TUSC3: variants seen among roughly 807,000 people sequenced by gnomAD.
TUSC3 encodes tumor suppressor candidate 3, also known as dolichyl-diphosphooligosaccharide--protein glycosyltransferase subunit TUSC3.
Under a neutral mutation model 44.8 loss-of-function variants are expected in TUSC3, and 45 were observed. The ratio of observed to expected loss-of-function variants is 1.00; its 90% CI spans 0.79 to 1.29. The LOEUF (loss-of-function observed/expected upper bound fraction) is 1.29, where lower values mean the gene tolerates loss of function less well. TUSC3 is among the 50% of genes most tolerant of loss of function. The pLI is 0.00. For missense variants in TUSC3, 519 were observed against 437.9 expected, an observed-to-expected ratio of 1.19 and a Z score of -1.65; for synonymous variants, 212 against 152.9, an observed-to-expected ratio of 1.39 and a Z score of -2.85.
the TUSC3 span, among the ~76,000 whole-genome samples, chr8:15,814,798 A>G: frequency 6.6e-6 from 1 of 152,186 alleles, no homozygotes; most frequent in East Asian, 1.9e-4. Context: ...CCTACTGCAC[A>G]AAAATATTCA....
At chr8:15,780,422 T>A in the TUSC3 span, among the ~76,000 whole-genome samples, 4 of 152,236 alleles carry the variant, frequency 2.6e-5, no homozygotes, top group South Asian at 8.3e-4. Flanking sequence ...CAAAGGGGAC[T>A]AGGCATACAC....
At chr8:15,506,708 A>C (rs2129127733) in intron 2 of TUSC3, among the ~76,000 whole-genome samples, 2 of 152,240 alleles carry the variant, frequency 1.3e-5, no homozygotes, top group East Asian at 3.9e-4. Context: ...CAGCGCAGGA[A>C]AAACCCGTCC....
chr8:15,562,959 A>C lies in TUSC3; in HGVS notation c.138+22391A>C, dbSNP rs187235736. On this transcript the variant is annotated intron_variant, in intron 1 of 10. Transcript: ENST00000503731. ...CCATATAAGGTAACATAATTGTGGGAGCGCTGTTCTGCTATATCACAGGTC... is the reference window on the plus strand; with the variant it reads ...CCATATAAGGTAACATAATTGTGGGCGCGCTGTTCTGCTATATCACAGGTC... 4.6e-5 allele frequency among the ~76,000 whole-genome samples: 7 copies of C among 152,084 alleles called. No individual in the cohort carries two copies. The East Asian group carries it at 1.4e-3, about 30-fold the overall frequency.
At chr8:15,645,169 A>G (rs1483645662) in intron 2 of TUSC3, among the ~76,000 whole-genome samples, 2 of 152,132 alleles carry the variant, frequency 1.3e-5, no homozygotes, top group African/African-American at 2.4e-5. Context: ...AGCATTCTCA[A>G]ATAGTATTTT....
At chr8:15,579,240 A>G (rs1431139129) in intron 1 of TUSC3, among the ~76,000 whole-genome samples, 6 of 139,710 alleles carry the variant, frequency 4.3e-5, no homozygotes, top group African/African-American at 1.3e-4. Context: ...GTGGTCTATC[A>G]ATTTTGTTGA....
the TUSC3 span, among the ~76,000 whole-genome samples, chr8:15,790,544 G>A: frequency 6.6e-6 from 1 of 152,048 alleles, no homozygotes; most frequent in East Asian, 1.9e-4. Flanking sequence ...AATGGGCATT[G>A]AGGGTAACTA....
At position 15,617,136 on chromosome 8, in the gene TUSC3, A is replaced by T. The variant is rs78999285; in HGVS notation, c.139-5944A>T. Among the ~76,000 whole-genome samples the T allele has an allele frequency of 7.7e-3, 63 of 8,204 alleles. 1 individual carries two copies. The highest frequency in any genetic ancestry group is 0.018 in the South Asian group (6 of 338). 5.4% of individuals were successfully genotyped at this position (8,204 alleles called of 152,430 possible). ...ATCTGTAAAATGTGTGTGTGTGTATATATTTTTTTTTTTTTTTTTTTGAGA... is the reference window on the plus strand; with the variant it reads ...ATCTGTAAAATGTGTGTGTGTGTATTTATTTTTTTTTTTTTTTTTTTGAGA... On this transcript the variant is annotated intron_variant, in intron 1 of 10. Transcript: ENST00000503731.
chr8:15,763,278 G>T (rs1585315883), intron 10 of TUSC3, among the ~76,000 whole-genome samples: 1 of 151,756 alleles, frequency 6.6e-6, no homozygotes, highest in Non-Finnish European at 1.5e-5. Context: ...TCACTAATGA[G>T]GAAACCGAGG....
At chr8:15,472,901 A>G (rs1016205604) in intron 1 of TUSC3, among the ~76,000 whole-genome samples, 2 of 152,194 alleles carry the variant, frequency 1.3e-5, no homozygotes, top group African/African-American at 4.8e-5. Context: ...AGCTCCACAT[A>G]CAGAAGTTGA....
intron 6 of TUSC3, among the ~76,000 whole-genome samples, chr8:15,706,639 A>G (rs919377475): frequency 2.0e-5 from 3 of 152,038 alleles, no homozygotes; most frequent in Non-Finnish European, 4.4e-5. Context: ...TCATACTGAA[A>G]TGTGGATTTT....
chr8:15,741,955 T>G lies in TUSC3; in HGVS notation c.863-1583T>G, dbSNP rs140993030. 2.2e-4 allele frequency among the ~76,000 whole-genome samples: 33 copies of G among 152,234 alleles called. No individual in the cohort carries two copies. The East Asian group carries it at 6.2e-3, about 29-fold the overall frequency. ...AGTTTTAGTGAAACAAGTTTTTAAT[T>G]TTTATCATGTTGTTATTAACAATGT... On this transcript the variant is annotated intron_variant, in intron 7 of 10. Coordinates refer to ENST00000503731, the MANE Select transcript of TUSC3 (RefSeq NM_006765.4).
chr8:15,558,791 C>A (rs561097492), intron 1 of TUSC3, among the ~76,000 whole-genome samples: 1 of 136,874 alleles, frequency 7.3e-6, no homozygotes, highest in Non-Finnish European at 1.6e-5. Flanking sequence ...AGTTTATTTG[C>A]ATAGAGGTGT....
intron 3 of TUSC3, among the ~76,000 whole-genome samples, chr8:15,653,605 G>C (rs1202820605): frequency 6.6e-6 from 1 of 152,138 alleles, no homozygotes; most frequent in Non-Finnish European, 1.5e-5. Context: ...GAACTGCCTT[G>C]TCTTTCCCAA....
chr8:15,719,512 CACACCACA>C (rs1278049505), intron 6 of TUSC3, among the ~76,000 whole-genome samples: 3 of 38,994 alleles, frequency 7.7e-5, no homozygotes, highest in African/African-American at 3.5e-4. Context: ...CACACACACA[CACACCACA>C]CACACACACA....
chr8:15,539,570 T>G (rs1285439071), upstream of TUSC3, among the ~76,000 whole-genome samples: 1 of 152,042 alleles, frequency 6.6e-6, no homozygotes, highest in Non-Finnish European at 1.5e-5. Context: ...CAGGCTGGTC[T>G]TGAACTCCTG....
At chr8:15,706,221 T>C (rs1809610854) in intron 6 of TUSC3, among the ~76,000 whole-genome samples, 3 of 152,010 alleles carry the variant, frequency 2.0e-5, no homozygotes, top group Admixed American at 2.0e-4. Context: ...TATATTTTGG[T>C]ATATATTTAT....
chr8:15,713,230 TAC>T (rs1809927876), intron 6 of TUSC3, among the ~76,000 whole-genome samples: 1 of 152,210 alleles, frequency 6.6e-6, no homozygotes, highest in African/African-American at 2.4e-5. Flanking sequence ...AACAGTGGTT[TAC>T]AGTTTTATGT....
chr8:15,846,787 G>A, the TUSC3 span, among the ~76,000 whole-genome samples: 2 of 151,436 alleles, frequency 1.3e-5, no homozygotes, highest in Non-Finnish European at 2.9e-5. Context: ...GTTGATGGGT[G>A]CAGCAAACCA....
intron 6 of TUSC3, among the ~76,000 whole-genome samples, chr8:15,696,563 C>A (rs1485746325): frequency 6.6e-6 from 1 of 152,248 alleles, no homozygotes; most frequent in Non-Finnish European, 1.5e-5. Flanking sequence ...CACCGTCCTC[C>A]AGACCCCAGA....
Sources: gnomAD v4.1 joint callset for allele counts (sites outside exome capture counted in the v4.1 genomes callset) on GRCh38, gnomAD v4.1.1 for gene constraint, MANE v1.5 for transcripts, NCBI Gene and HGNC (gene_info 2026-07-23, HGNC 2026-07-21) for gene names.